The following OSBP2 variants were observed in gnomAD, a reference collection of about 807,000 sequenced individuals.
OSBP2 encodes the protein oxysterol binding protein 2.
OSBP2 carries 66 observed loss-of-function variants against 96.0 expected under a neutral mutation model. The observed-to-expected ratio is 0.69, with a 90% confidence interval of 0.56 to 0.84. The LOEUF is 0.84. Ranked by LOEUF, OSBP2 falls within the 40% of genes least tolerant of loss-of-function variation. OSBP2 has a pLI of 0.00. For missense variants in OSBP2, 1,038 were observed against 1,222.7 expected (o/e 0.85, Z 2.25); for synonymous variants, 525 against 520.9 (o/e 1.01, Z -0.11).
intron 2 of OSBP2, among the ~76,000 whole-genome samples, chr22:30,845,152 C>T (rs1025306005): frequency 6.6e-5 from 10 of 152,168 alleles, no homozygotes; most frequent in East Asian, 3.8e-4. Context: ...AAAGTTTAGC[C>T]GGGTGCAGTG....
intron 2 of OSBP2, among the ~76,000 whole-genome samples, chr22:30,794,322 C>T (rs1288625839): frequency 2.8e-5 from 4 of 145,264 alleles, no homozygotes; most frequent in African/African-American, 7.7e-5. Flanking sequence ...GGTGCAGTGG[C>T]ACGATCTCGA....
chr22:30,804,826 TA>T (rs1306730475), intron 2 of OSBP2, among the ~76,000 whole-genome samples: 1 of 152,248 alleles, frequency 6.6e-6, no homozygotes, highest in African/African-American at 2.4e-5. Flanking sequence ...CTCATGACTG[TA>T]CTTTGACATT....
At chr22:30,799,163 G>A (rs2090815460) in intron 2 of OSBP2, among the ~76,000 whole-genome samples, 1 of 149,774 alleles carries the variant, frequency 6.7e-6, no homozygotes, top group Non-Finnish European at 1.5e-5. Context: ...AGGCTGGAGT[G>A]CAGCGGTGCA....
rs758014833 is a variant in OSBP2, at chr22:30,881,700, G to A, written c.1108-5726G>A. ...CAGCTCAGCATTCTGAGAACAGCAG[G>A]GCCACGCCAGGCGCCTGCCTCTCCC... is the stretch of plus-strand genomic sequence containing the variant. On this transcript the variant is annotated intron_variant, in intron 3 of 13. Transcript: ENST00000332585. This position sits in a 1 kb window ranked among gnomAD's most constrained non-coding sequence, Gnocchi z 4.5. 7.7e-7 allele frequency: 1 copy of A among 1,304,080 alleles called. No individual in the cohort carries two copies. Among genetic ancestry groups the A allele is most frequent in the South Asian group, 1.2e-5 (1 of 81,022 alleles). 80.8% of individuals were successfully genotyped at this position (1,304,080 alleles called of 1,614,324 possible). A position where few individuals can be genotyped will look rare whatever the true frequency, so the allele number is the denominator to read the frequency against.
chr22:30,811,762 C>G (rs1002516177), intron 2 of OSBP2, among the ~76,000 whole-genome samples: 1 of 151,972 alleles, frequency 6.6e-6, no homozygotes, highest in Non-Finnish European at 1.5e-5. Context: ...ACCATGTTGG[C>G]CAGGCTGGTC....
At chr22:30,822,638 G>A in intron 2 of OSBP2, 1 of 1,533,178 alleles carries the variant, frequency 6.5e-7, no homozygotes, top group Non-Finnish European at 8.7e-7. Flanking sequence ...GAAATGAAGG[G>A]ACGCGGCTGC....
chr22:30,858,413 T>C (rs2039131098), intron 2 of OSBP2, among the ~76,000 whole-genome samples: 3 of 151,712 alleles, frequency 2.0e-5, no homozygotes, highest in African/African-American at 7.3e-5. Flanking sequence ...CCCAAAGTGC[T>C]GGGATTACAG....
intron 2 of OSBP2, among the ~76,000 whole-genome samples, chr22:30,816,750 C>A (rs923589753): frequency 5.9e-5 from 9 of 152,048 alleles, no homozygotes; most frequent in African/African-American, 2.2e-4. Context: ...TTTTCCTTTT[C>A]TTTTTTGAGA....
At chr22:30,729,657 G>A (rs1325285240) in intron 1 of OSBP2, among the ~76,000 whole-genome samples, 1 of 151,906 alleles carries the variant, frequency 6.6e-6, no homozygotes, top group Admixed American at 6.6e-5. Flanking sequence ...ATATATATGT[G>A]TGTGTATATA....
intron 1 of OSBP2, among the ~76,000 whole-genome samples, chr22:30,711,253 G>C (rs1405415106): frequency 6.6e-6 from 1 of 151,352 alleles, no homozygotes; most frequent in Non-Finnish European, 1.5e-5. Context: ...ATAAAAGCTA[G>C]GAAATATCTA....
chr22:30,695,141 C>T lies in OSBP2; in HGVS notation c.232C>T (p.Pro78Ser), dbSNP rs201695346. Residue 78 changes from proline (P) to serine (S), a missense_variant, in exon 1 of 14, where the codon CCA (proline) becomes TCA (serine). By Grantham distance (74) the Pro-to-Ser change is moderately conservative. Coordinates refer to ENST00000332585, the MANE Select transcript of OSBP2 (RefSeq NM_030758.4). ...QVSEAVSEAV[P>S]RSEPVSETTS... ...GTCGGAGGCAGTTTCGGAGGCAGTG[C>T]CAAGATCGGAACCTGTGTCCGAGAC... 1.1e-5 allele frequency: 18 copies of T among 1,604,646 alleles called. No homozygotes were observed. The highest frequency in any genetic ancestry group is 1.5e-5 in the Non-Finnish European group (18 of 1,174,682).
intron 1 of OSBP2, among the ~76,000 whole-genome samples, chr22:30,698,144 G>A (rs2089085105): frequency 6.6e-6 from 1 of 152,114 alleles, no homozygotes; most frequent in African/African-American, 2.4e-5. Flanking sequence ...GTGGGTTTTC[G>A]GATGCGCCAA....
At chr22:30,792,344 A>G (rs1333789329) in intron 2 of OSBP2, among the ~76,000 whole-genome samples, 1 of 152,110 alleles carries the variant, frequency 6.6e-6, no homozygotes, top group African/African-American at 2.4e-5. Flanking sequence ...ATCAATCACT[A>G]TGGTTTGCAT....
intron 2 of OSBP2, among the ~76,000 whole-genome samples, chr22:30,860,946 G>A (rs1189447370): frequency 6.6e-6 from 1 of 152,200 alleles, no homozygotes; most frequent in African/African-American, 2.4e-5. Flanking sequence ...GGACAGCCGA[G>A]CGAAGTATGC....
At chr22:30,901,570 C>T (rs746877035) in intron 12 of OSBP2, among the ~76,000 whole-genome samples, 2 of 152,114 alleles carry the variant, frequency 1.3e-5, no homozygotes, top group African/African-American at 2.4e-5. Context: ...CTCGGGAAAA[C>T]AGTTTGGCTT....
intron 2 of OSBP2, among the ~76,000 whole-genome samples, chr22:30,858,338 G>A (rs994511166): frequency 1.4e-4 from 21 of 150,438 alleles, no homozygotes; most frequent in Admixed American, 2.6e-4. Flanking sequence ...AGTAGAGACG[G>A]GGTTTCACCT....
intron 1 of OSBP2, among the ~76,000 whole-genome samples, chr22:30,706,735 C>A (rs1431784259): frequency 2.6e-5 from 4 of 152,292 alleles, no homozygotes; most frequent in African/African-American, 9.6e-5. Flanking sequence ...ACTTGCCTTA[C>A]TCCCCCTTTG....
chr22:30,835,505 C>T (rs1295267494), intron 2 of OSBP2, among the ~76,000 whole-genome samples: 1 of 152,036 alleles, frequency 6.6e-6, no homozygotes, highest in East Asian at 1.9e-4. Context: ...TATCCTTATG[C>T]CAACACCACA....
chr22:30,723,516 C>T (rs773882363), intron 1 of OSBP2, among the ~76,000 whole-genome samples: 4 of 151,822 alleles, frequency 2.6e-5, no homozygotes, highest in Non-Finnish European at 4.4e-5. Flanking sequence ...CAAGTTCGAG[C>T]GATTCTCCTG....
Sources: gnomAD v4.1 joint callset for allele counts (sites outside exome capture counted in the v4.1 genomes callset) on GRCh38, gnomAD v4.1.1 for gene constraint, Gnocchi (gnomAD v3.1) non-coding constraint, MANE v1.5 for transcripts, NCBI Gene and HGNC (gene_info 2026-07-23, HGNC 2026-07-21) for gene names.